The following TENM1 variants were observed in gnomAD, a reference collection of about 807,000 sequenced individuals.
TENM1 encodes teneurin transmembrane protein 1.
In TENM1, 35 loss-of-function variants were observed where a neutral mutation model predicts 174.8. The ratio of observed to expected loss-of-function variants is 0.20; its 90% confidence interval spans 0.15 to 0.27. The LOEUF is 0.27. Ranked by LOEUF, TENM1 falls within the 10% of genes least tolerant of loss-of-function variation. TENM1 has a pLI of 1.00. For missense variants in TENM1, 1,633 were observed against 2,130.1 expected (o/e 0.77, Z 4.59); for synonymous variants, 781 against 798.7 (o/e 0.98, Z 0.37).
At chrX:124,655,886 A>C (rs922720639) in intron 6 of TENM1, among the ~76,000 whole-genome samples, 7 of 111,835 alleles carry the variant, frequency 6.3e-5, no homozygotes, top group African/African-American at 2.3e-4. Context: ...AGACAGATCA[A>C]TTTGGCCCCT....
intron 3 of TENM1, among the ~76,000 whole-genome samples, chrX:124,802,145 C>T (rs1332665863): frequency 8.9e-6 from 1 of 111,947 alleles, no homozygotes; most frequent in East Asian, 2.8e-4. Context: ...CCAGTTCTGT[C>T]CCCTTGCTGG....
the TENM1 span, among the ~76,000 whole-genome samples, chrX:125,085,350 T>C: frequency 7.2e-5 from 8 of 111,278 alleles, no homozygotes; most frequent in Non-Finnish European, 9.5e-5. Context: ...TTAGTACTAA[T>C]AAGAAAAGGA....
chrX:124,817,613 G>C (rs750798378), intron 3 of TENM1, among the ~76,000 whole-genome samples: 2 of 111,338 alleles, frequency 1.8e-5, no homozygotes, highest in Non-Finnish European at 3.8e-5. Flanking sequence ...AAGGCTCTGA[G>C]ATGTTAAGAA....
chrX:124,959,853 C>T, intron 1 of TENM1, among the ~76,000 whole-genome samples: 1 of 111,462 alleles, frequency 9.0e-6, no homozygotes, highest in African/African-American at 3.3e-5. Flanking sequence ...TCAATTCGAA[C>T]ACACTTATAT....
intron 28 of TENM1, among the ~76,000 whole-genome samples, chrX:124,388,165 G>A (rs1228179931): frequency 5.4e-5 from 6 of 111,488 alleles, no homozygotes; most frequent in South Asian, 3.8e-4. Flanking sequence ...CCTGTGACAC[G>A]GGCCAGGGAC....
intron 14 of TENM1, among the ~76,000 whole-genome samples, chrX:124,554,733 A>G (rs1353589752): frequency 8.9e-6 from 1 of 111,847 alleles, no homozygotes; most frequent in Non-Finnish European, 1.9e-5. Context: ...ATGAGCTTGT[A>G]TGTGTTCATA....
At chrX:125,116,586 C>T in the TENM1 span, among the ~76,000 whole-genome samples, 1 of 112,418 alleles carries the variant, frequency 8.9e-6, no homozygotes, top group Non-Finnish European at 1.9e-5. Context: ...TATGAACAGA[C>T]ACTTCTCAAA....
chrX:124,548,521 G>C (rs1353410082), intron 14 of TENM1, among the ~76,000 whole-genome samples: 1 of 112,004 alleles, frequency 8.9e-6, no homozygotes, highest in Non-Finnish European at 1.9e-5. Flanking sequence ...GATTAACTGA[G>C]CATATGGACA....
the TENM1 span, among the ~76,000 whole-genome samples, chrX:125,197,898 C>T: frequency 2.6e-4 from 29 of 111,689 alleles, 2 homozygotes; most frequent in East Asian, 7.8e-3. Flanking sequence ...TTCTCTCAGT[C>T]GTAATACAGA....
At chrX:124,674,282 C>G (rs2052000210) in intron 5 of TENM1, among the ~76,000 whole-genome samples, 1 of 56,518 alleles carries the variant, frequency 1.8e-5, no homozygotes, top group Non-Finnish European at 3.0e-5. Flanking sequence ...TTTTCAACAT[C>G]AACCAAATCC....
intron 9 of TENM1, among the ~76,000 whole-genome samples, chrX:124,645,595 AT>A (rs1462960340): frequency 8.9e-6 from 1 of 111,832 alleles, no homozygotes; most frequent in African/African-American, 3.2e-5. Context: ...TTAAACTGTT[AT>A]TGTTATTATT....
intron 1 of TENM1, among the ~76,000 whole-genome samples, chrX:124,905,764 G>A (rs2057738407): frequency 9.0e-6 from 1 of 111,444 alleles, no homozygotes; most frequent in Non-Finnish European, 1.9e-5. Flanking sequence ...CACAGAAAAA[G>A]AATTCCATAG....
chrX:124,404,865 CTT>C (rs2060444086), intron 27 of TENM1, among the ~76,000 whole-genome samples, 164 bp downstream of exon 30: 1 of 111,635 alleles, frequency 9.0e-6, no homozygotes, highest in South Asian at 3.8e-4. Flanking sequence ...TTAGCATCCT[CTT>C]TTGAATTAGT....
chrX:125,002,362 G>C, the TENM1 span, among the ~76,000 whole-genome samples: 1 of 111,116 alleles, frequency 9.0e-6, no homozygotes, highest in Non-Finnish European at 1.9e-5. Flanking sequence ...GTCCAAACTC[G>C]GTAAATTTCT....
chrX:124,622,566 CATA>C (rs2050542263), intron 11 of TENM1, among the ~76,000 whole-genome samples: 1 of 112,113 alleles, frequency 8.9e-6, no homozygotes, highest in Non-Finnish European at 1.9e-5. Context: ...TTACCCTTGC[CATA>C]TCAGGATGAC....
At chrX:124,634,884 G>A (rs1012442100) in intron 11 of TENM1, among the ~76,000 whole-genome samples, 3 of 111,358 alleles carry the variant, frequency 2.7e-5, no homozygotes, top group African/African-American at 6.5e-5. Context: ...GATGCATATC[G>A]TCATCCATTA....
At chrX:124,443,005 T>C (rs896007802) in intron 23 of TENM1, among the ~76,000 whole-genome samples, 3 of 105,703 alleles carry the variant, frequency 2.8e-5, no homozygotes, top group Non-Finnish European at 5.8e-5. Flanking sequence ...TTCTTTTTTT[T>C]CCACCCAGAT....
intron 21 of TENM1, among the ~76,000 whole-genome samples, chrX:124,483,141 T>C: frequency 8.9e-6 from 1 of 112,034 alleles, no homozygotes; most frequent in Non-Finnish European, 1.9e-5. Flanking sequence ...AAAAACTTTT[T>C]AATGTTTCTT....
intron 8 of TENM1, among the ~76,000 whole-genome samples, chrX:124,648,093 G>C (rs2051207427): frequency 9.0e-6 from 1 of 111,575 alleles, no homozygotes; most frequent in Non-Finnish European, 1.9e-5. Flanking sequence ...AAATGGAGAT[G>C]CCTGTGTTTC....
Sources: allele counts gnomAD v4.1 joint callset (sites outside exome capture counted in the v4.1 genomes callset), GRCh38; gene constraint gnomAD v4.1.1; transcripts MANE v1.5; gene names NCBI Gene and HGNC (gene_info 2026-07-23, HGNC 2026-07-21).